Variants in ZBTB20 observed in about 807,000 individuals in gnomAD.
ZBTB20 encodes zinc finger and BTB domain containing 20, also known as zinc finger and BTB domain-containing protein 20.
A neutral mutation model predicts 56.9 loss-of-function variants in ZBTB20; 9 were observed. The ratio of observed to expected loss-of-function variants is 0.16; its 90% CI spans 0.10 to 0.28. The LOEUF (loss-of-function observed/expected upper bound fraction) is 0.28, where lower values mean the gene tolerates loss of function less well. Ranked by LOEUF, ZBTB20 falls within the 10% of genes least tolerant of loss-of-function variation. The probability of loss-of-function intolerance (pLI) is 1.00; values close to 1 mark genes in which losing one functional copy is unlikely to be tolerated. For synonymous variants in ZBTB20, 417 were observed against 420.7 expected (o/e 0.99, Z 0.11); for missense variants, 655 against 1,003.0 (o/e 0.65, Z 4.69).
chr3:114,575,436 C>T (rs1181947459), intron 6 of ZBTB20, among the ~76,000 whole-genome samples: 1 of 151,944 alleles, frequency 6.6e-6, no homozygotes, highest in Non-Finnish European at 1.5e-5. Flanking sequence ...ATCTGCTTTG[C>T]CACAATAAAA....
chr3:114,589,049 T>C (rs2055474947), intron 6 of ZBTB20, among the ~76,000 whole-genome samples: 2 of 152,104 alleles, frequency 1.3e-5, no homozygotes, highest in Admixed American at 6.6e-5. Flanking sequence ...GAGAAAATCA[T>C]GGGAGTAACT....
chr3:114,613,475 T>TA (rs1408748880), intron 6 of ZBTB20, among the ~76,000 whole-genome samples: 1 of 152,174 alleles, frequency 6.6e-6, no homozygotes, highest in Non-Finnish European at 1.5e-5. Context: ...AGACCATGCT[T>TA]AACAGAATTT....
intron 1 of ZBTB20, among the ~76,000 whole-genome samples, chr3:115,109,626 G>A (rs2083818698): frequency 6.6e-6 from 1 of 152,114 alleles, no homozygotes; most frequent in Admixed American, 6.5e-5. Flanking sequence ...CAAATAGAAT[G>A]TGTAAGGAAT....
At chr3:114,563,669 A>G (rs2110304420) in intron 6 of ZBTB20, among the ~76,000 whole-genome samples, 1 of 152,320 alleles carries the variant, frequency 6.6e-6, no homozygotes, top group East Asian at 1.9e-4. Context: ...GCTGATAACT[A>G]GTGCTAGGGA....
intron 1 of ZBTB20, among the ~76,000 whole-genome samples, chr3:115,083,184 A>C (rs1253118377): frequency 1.3e-5 from 2 of 151,948 alleles, no homozygotes; most frequent in Non-Finnish European, 2.9e-5. Flanking sequence ...TCATACATAT[A>C]CTCCATCAAT....
At chr3:114,709,656 T>C (rs2063930846) in intron 5 of ZBTB20, among the ~76,000 whole-genome samples, 1 of 152,176 alleles carries the variant, frequency 6.6e-6, no homozygotes, top group Admixed American at 6.6e-5. Context: ...TTCCATAACC[T>C]ATAATCAGGA....
chr3:114,534,952 G>A (rs528582460), intron 6 of ZBTB20, among the ~76,000 whole-genome samples: 1 of 152,246 alleles, frequency 6.6e-6, no homozygotes, highest in Non-Finnish European at 1.5e-5. Flanking sequence ...TGAGAACAAA[G>A]ACATAATGTA....
chr3:114,695,735 C>T (rs546191834), intron 5 of ZBTB20, among the ~76,000 whole-genome samples: 10 of 152,034 alleles, frequency 6.6e-5, no homozygotes, highest in South Asian at 2.1e-4. Flanking sequence ...ATTAAAATTA[C>T]ATCATAAACA....
At position 114,636,926 on chromosome 3, in the gene ZBTB20, C is replaced by A. The variant is rs73224534; in HGVS notation, c.-295+56602G>T. Among the ~76,000 whole-genome samples, 25 of 5,606 alleles carry A rather than the reference C, an allele frequency of 4.5e-3. No homozygotes were observed. The South Asian group carries it at 0.062, about 14-fold the overall frequency. 3.7% of individuals were successfully genotyped at this position (5,606 alleles called of 152,430 possible). ...GTTAAAACAGCAACAACAACAACAA[C>A]AAAAAACAACAACAACACACTTTAG... On this transcript the variant is annotated intron_variant, in intron 6 of 11. Coordinates refer to ENST00000675478, the MANE Select transcript of ZBTB20 (RefSeq NM_001348800.3).
intron 7 of ZBTB20, among the ~76,000 whole-genome samples, chr3:114,454,286 G>A (rs1179469815): frequency 6.6e-6 from 1 of 151,286 alleles, no homozygotes. Flanking sequence ...GCGGTCAAGC[G>A]TTAAGTAACT....
At chr3:114,860,320 T>G (rs1219343566) in intron 4 of ZBTB20, among the ~76,000 whole-genome samples, 2 of 151,410 alleles carry the variant, frequency 1.3e-5, no homozygotes, top group East Asian at 3.9e-4. Context: ...AAAAAAAAAA[T>G]TCTGAAATTA....
chr3:114,835,504 G>C (rs560173052), intron 4 of ZBTB20, among the ~76,000 whole-genome samples: 15 of 152,210 alleles, frequency 9.9e-5, no homozygotes, highest in African/African-American at 3.6e-4. Context: ...ATTATTTAAA[G>C]TGAGGATATC....
chr3:114,778,511 G>A (rs1247095511), intron 5 of ZBTB20, among the ~76,000 whole-genome samples: 2 of 151,966 alleles, frequency 1.3e-5, no homozygotes, highest in African/African-American at 4.8e-5. Flanking sequence ...AAATACACCT[G>A]AACTCTATGA....
chr3:115,101,480 T>C (rs2083580656), intron 1 of ZBTB20, among the ~76,000 whole-genome samples: 1 of 152,112 alleles, frequency 6.6e-6, no homozygotes, highest in Non-Finnish European at 1.5e-5. Flanking sequence ...GCTATAGAAT[T>C]ACAAACATCA....
intron 2 of ZBTB20, among the ~76,000 whole-genome samples, chr3:114,997,700 G>T (rs2079083353): frequency 6.6e-6 from 1 of 151,676 alleles, no homozygotes; most frequent in South Asian, 2.1e-4. Flanking sequence ...TAGAATTAGT[G>T]TTCAAAACAT....
intron 4 of ZBTB20, among the ~76,000 whole-genome samples, chr3:114,850,602 C>A (rs957439175): frequency 3.3e-5 from 5 of 152,160 alleles, no homozygotes; most frequent in African/African-American, 1.2e-4. Context: ...AAGTAACTTA[C>A]CCAAGGCCCT....
At chr3:114,360,811 G>C (rs2081787788) in intron 10 of ZBTB20, among the ~76,000 whole-genome samples, 1 of 152,126 alleles carries the variant, frequency 6.6e-6, no homozygotes, top group Non-Finnish European at 1.5e-5. Flanking sequence ...GCTAGGTTAA[G>C]AGAGTAGCTG....
At chr3:114,454,967 CAG>C (rs35258910) in intron 7 of ZBTB20, 16,849 of 130,704 alleles carry the variant, frequency 0.13, 1,069 homozygotes, top group African/African-American at 0.19. Flanking sequence ...GAGCAAGAGA[CAG>C]AGAGAGAGAG....
chr3:114,417,957 A>G (rs2088746169), intron 7 of ZBTB20, among the ~76,000 whole-genome samples: 1 of 152,004 alleles, frequency 6.6e-6, no homozygotes, highest in South Asian at 2.1e-4. Flanking sequence ...TTGGACCCAA[A>G]AAGTCGATGA....
Sources: gnomAD v4.1 joint callset for allele counts (sites outside exome capture counted in the v4.1 genomes callset) on GRCh38, gnomAD v4.1.1 for gene constraint, MANE v1.5 for transcripts, NCBI Gene and HGNC (gene_info 2026-07-23, HGNC 2026-07-21) for gene names.